Variants in EPB41L5 observed in about 807,000 individuals in gnomAD.
EPB41L5 encodes band 4.1-like protein 5.
Under a neutral mutation model 106.6 loss-of-function variants are expected in EPB41L5, and 55 were observed. The ratio of observed to expected loss-of-function variants is 0.52; its 90% CI spans 0.42 to 0.65. The LOEUF is 0.65. Among genes scored for constraint, EPB41L5 ranks in the 30% least tolerant of loss-of-function variants. The pLI, the probability that EPB41L5 is intolerant of heterozygous loss-of-function variation, is 0.00. For synonymous variants in EPB41L5, 297 were observed against 306.7 expected, an observed-to-expected ratio of 0.97 and a Z score of 0.33; for missense variants, 871 against 882.1, an observed-to-expected ratio of 0.99 and a Z score of 0.16.
intron 3 of EPB41L5, among the ~76,000 whole-genome samples, chr2:120,068,710 G>C (rs1267731815): frequency 6.6e-6 from 1 of 152,132 alleles, no homozygotes; most frequent in Admixed American, 6.5e-5. Context: ...TGGCAAGTTG[G>C]ATAAAAAGTC....
Position 120,167,912 on chromosome 2 carries a change from T to C in EPB41L5, c.2040T>C (p.Cys680=), listed in dbSNP as rs1408501983. 1 of 1,614,146 alleles carries C rather than the reference T, an allele frequency of 6.2e-7. No homozygotes were observed. Among genetic ancestry groups the C allele is most frequent in the East Asian group, 2.2e-5 (1 of 44,884 alleles). The change falls in exon 24 of 25, where the codon TGT becomes TGC. Residue 680 remains cysteine, a synonymous_variant. Transcript: ENST00000263713. ...CCATGTCTAATGGACTTGCGGGATG[T>C]GAAATGCTTTTGACAGGGAAGGAGG... ...SGAMSNGLAG[C]EMLLTGKEGH...
chr2:120,089,958 T>C (rs1459656968), intron 11 of EPB41L5, among the ~76,000 whole-genome samples: 2 of 152,258 alleles, frequency 1.3e-5, no homozygotes, highest in South Asian at 2.1e-4. Context: ...TTAACTATTA[T>C]AATTAGACTC....
intron 3 of EPB41L5, among the ~76,000 whole-genome samples, chr2:120,065,246 TG>T (rs987681836): frequency 1.3e-5 from 2 of 151,918 alleles, no homozygotes; most frequent in African/African-American, 4.8e-5. Flanking sequence ...CCCAAATAAC[TG>T]GGGGACTGTA....
rs552953991 is a variant in EPB41L5 at position 120,170,130 on chromosome 2, A to G, written c.2135+2123A>G. The stretch of plus-strand genomic sequence containing the variant: ...CAAACTGAAAACCTTCCAACTGCAC[A>G]TTAGCAGTTGACTAGATAAATATTA... On this transcript the variant is annotated intron_variant, in intron 24 of 24. Coordinates refer to ENST00000263713, the MANE Select transcript of EPB41L5 (RefSeq NM_020909.4). 2.5e-3 allele frequency among the ~76,000 whole-genome samples: 374 copies of G among 152,380 alleles called. 2 individuals carry two copies. Among genetic ancestry groups the G allele is most frequent in the African/African-American group, 8.5e-3 (354 of 41,588 alleles).
chr2:120,138,883 T>C (rs1410925407), intron 18 of EPB41L5, among the ~76,000 whole-genome samples: 1 of 152,006 alleles, frequency 6.6e-6, no homozygotes, highest in Non-Finnish European at 1.5e-5. Context: ...AAAGCCGTCC[T>C]GAGAAGAAAA....
chr2:120,149,279 G>A (rs1040632590), intron 20 of EPB41L5, among the ~76,000 whole-genome samples: 1 of 152,102 alleles, frequency 6.6e-6, no homozygotes, highest in African/African-American at 2.4e-5. Flanking sequence ...TGTACATTTA[G>A]TACATTCTGT....
chr2:120,063,815 G>A lies in EPB41L5; in HGVS notation c.286-9363G>A, dbSNP rs901459318. Among the ~76,000 whole-genome samples, 4 of 152,026 alleles carry A rather than the reference G, an allele frequency of 2.6e-5. No homozygotes were observed. In the South Asian group the frequency reaches 8.3e-4, roughly 32 times the overall value. On this transcript the variant is annotated intron_variant, in intron 3 of 24. Coordinates refer to ENST00000263713, the MANE Select transcript of EPB41L5 (RefSeq NM_020909.4). ...AAATTAGCCGGGCGTGGTGGCGGGC[G>A]CCTGTAATCCCAGCTACTCAGGAGT... is the stretch of plus-strand genomic sequence containing the variant.
At chr2:120,090,737 T>C (rs1462826264) in intron 12 of EPB41L5, among the ~76,000 whole-genome samples, 1 of 152,222 alleles carries the variant, frequency 6.6e-6, no homozygotes, top group African/African-American at 2.4e-5. Context: ...GGCTTTTATA[T>C]CCCTCTGGAT....
chr2:120,057,084 G>A (rs187885903), intron 3 of EPB41L5, among the ~76,000 whole-genome samples: 28 of 152,146 alleles, frequency 1.8e-4, no homozygotes, highest in African/African-American at 5.8e-4. Context: ...TGTAGAGATG[G>A]GGGCTCACCA....
intron 17 of EPB41L5, among the ~76,000 whole-genome samples, chr2:120,130,715 A>G (rs1017055308): frequency 3.9e-5 from 6 of 152,182 alleles, no homozygotes; most frequent in Non-Finnish European, 5.9e-5. Context: ...TTTTGTTATA[A>G]TTATTCTTGG....
chr2:120,036,963 A>C (rs1224843449), intron 2 of EPB41L5, among the ~76,000 whole-genome samples: 2 of 152,172 alleles, frequency 1.3e-5, no homozygotes, highest in Admixed American at 1.3e-4. Flanking sequence ...TTTGTTCAAC[A>C]TAGTACTGGA....
At chr2:120,068,000 A>G (rs970871056) in intron 3 of EPB41L5, among the ~76,000 whole-genome samples, 1 of 152,212 alleles carries the variant, frequency 6.6e-6, no homozygotes, top group Non-Finnish European at 1.5e-5. Flanking sequence ...AGATGGCCGA[A>G]TAGGAACAGC....
At chr2:120,105,779 C>T in intron 16 of EPB41L5, 1 of 985,216 alleles carries the variant, frequency 1.0e-6, no homozygotes, top group Non-Finnish European at 1.2e-6. Flanking sequence ...CTTTACATAG[C>T]TCAGATGATA....
intron 2 of EPB41L5, among the ~76,000 whole-genome samples, chr2:120,023,836 T>C (rs1678112217): frequency 6.6e-6 from 1 of 152,216 alleles, no homozygotes; most frequent in Admixed American, 6.5e-5. Context: ...TTCCATTTGT[T>C]TGTGTCCTCT....
At position 120,100,742 on chromosome 2, in the gene EPB41L5, C is replaced by G; in HGVS notation, c.1265C>G (p.Ser422Cys). The G allele has an allele frequency of 6.2e-7, 1 of 1,613,894 alleles. No homozygotes were observed. The highest frequency in any genetic ancestry group is 8.5e-7 in the Non-Finnish European group (1 of 1,179,894). ...RSALPVSPSI[S>C]SAPVPVEIEN... ...GCTCTGCCTGTGAGTCCTTCCATTT[C>G]CTCTGCTCCTGTGCCAGTGGAGATA... The change falls in exon 16 of 25, where the codon TCC (serine) becomes TGC (cysteine). Residue 422 changes from serine to cysteine, a missense_variant. Transcript: ENST00000263713.
chr2:120,075,722 A>G lies in EPB41L5; in HGVS notation c.474A>G (p.Thr158=), dbSNP rs1574602588. 5 of 1,613,722 alleles carry G rather than the reference A, an allele frequency of 3.1e-6. No individual in the cohort carries two copies. The South Asian group carries it at 5.5e-5, about 18-fold the overall frequency. The change falls in exon 7 of 25, where the codon ACA becomes ACG. Residue 158 remains threonine (T), a synonymous_variant. Transcript: ENST00000263713. The part of the protein sequence containing the change: ...LSGKLDCPFD[T]AVQLAAYNLQ... ...TCAGATTAGACTGTCCCTTTGATACAGCAGTGCAATTGGCAGCTTATAATC... is the reference window on the plus strand; with the variant it reads ...TCAGATTAGACTGTCCCTTTGATACGGCAGTGCAATTGGCAGCTTATAATC...
intron 9 of EPB41L5, among the ~76,000 whole-genome samples, chr2:120,078,007 C>T (rs1682375420): frequency 6.6e-6 from 1 of 152,024 alleles, no homozygotes. Context: ...TTCAGACAAC[C>T]AGATCTTGTG....
intron 1 of EPB41L5, among the ~76,000 whole-genome samples, chr2:120,017,998 G>A (rs559420578): frequency 2.2e-5 from 3 of 136,640 alleles, no homozygotes; most frequent in East Asian, 4.3e-4. Context: ...GTCTTGCTCT[G>A]TCGCCCAGGC....
At chr2:120,167,641 A>G in intron 23 of EPB41L5, 134 bp downstream of exon 23, 1 of 1,076,954 alleles carries the variant, frequency 9.3e-7, no homozygotes, top group Non-Finnish European at 1.4e-6. Flanking sequence ...ACTTAACTTA[A>G]TGGCTTCAAG....
Sources: gnomAD v4.1 joint callset for allele counts (sites outside exome capture counted in the v4.1 genomes callset) on GRCh38, gnomAD v4.1.1 for gene constraint, MANE v1.5 for transcripts, NCBI Gene and HGNC (gene_info 2026-07-23, HGNC 2026-07-21) for gene names.